The following RAD51B variants were observed in gnomAD, a reference collection of about 807,000 sequenced individuals.
The protein encoded by RAD51B is RAD51 paralog B, also known as DNA repair protein RAD51 homolog 2.
RAD51B carries 38 observed loss-of-function variants against 42.2 expected under a neutral mutation model. The ratio of observed to expected loss-of-function variants is 0.90; its 90% CI spans 0.70 to 1.18. RAD51B has a LOEUF of 1.18. Among genes scored for constraint, RAD51B ranks in the 50% most tolerant of loss-of-function variants. RAD51B has a pLI of 0.00. For missense variants in RAD51B, 373 were observed against 400.7 expected (o/e 0.93, Z 0.59); for synonymous variants, 154 against 145.2 (o/e 1.06, Z -0.43).
intron 8 of RAD51B, among the ~76,000 whole-genome samples, chr14:68,389,497 A>C (rs543411580): frequency 6.6e-6 from 1 of 152,372 alleles, no homozygotes; most frequent in East Asian, 1.9e-4. Context: ...GAAACATAAA[A>C]ATTATAATCC....
intron 7 of RAD51B, among the ~76,000 whole-genome samples, chr14:68,141,612 G>A (rs2078129784): frequency 1.3e-5 from 2 of 152,000 alleles, no homozygotes; most frequent in Non-Finnish European, 2.9e-5. Flanking sequence ...TGACGTTTGG[G>A]TATTACATTA....
At chr14:67,844,579 C>A (rs1191431893) in intron 4 of RAD51B, among the ~76,000 whole-genome samples, 2 of 149,258 alleles carry the variant, frequency 1.3e-5, no homozygotes, top group African/African-American at 4.9e-5. Context: ...AATGCTTTAC[C>A]ATTATGTAGT....
chr14:67,937,264 G>T (rs2044988951), intron 7 of RAD51B, among the ~76,000 whole-genome samples: 1 of 152,144 alleles, frequency 6.6e-6, no homozygotes. Flanking sequence ...ATGTCCTACA[G>T]CACATGACAC....
At chr14:68,421,055 T>C (rs1308556367) in intron 9 of RAD51B, among the ~76,000 whole-genome samples, 1 of 152,210 alleles carries the variant, frequency 6.6e-6, no homozygotes, top group African/African-American at 2.4e-5. Context: ...TAGTGAGTTA[T>C]GTATTAGGAT....
intron 8 of RAD51B, among the ~76,000 whole-genome samples, chr14:68,334,711 A>G (rs1284060664): frequency 6.6e-6 from 1 of 152,068 alleles, no homozygotes; most frequent in Admixed American, 6.6e-5. Flanking sequence ...TAGTGCTTCC[A>G]TAACATGGTA....
At chr14:68,027,012 A>G (rs970956791) in intron 7 of RAD51B, among the ~76,000 whole-genome samples, 3 of 152,188 alleles carry the variant, frequency 2.0e-5, no homozygotes, top group Non-Finnish European at 2.9e-5. Flanking sequence ...ACTCCCTTAT[A>G]GGCCTCTTAT....
intron 7 of RAD51B, among the ~76,000 whole-genome samples, chr14:67,949,987 G>A (rs1369939555): frequency 6.6e-6 from 1 of 152,128 alleles, no homozygotes; most frequent in Non-Finnish European, 1.5e-5. Context: ...CAGATGTCCT[G>A]TCATCCAGAC....
intron 9 of RAD51B, among the ~76,000 whole-genome samples, chr14:68,427,094 G>A (rs1194076746): frequency 1.3e-5 from 2 of 152,238 alleles, no homozygotes; most frequent in South Asian, 2.1e-4. Context: ...GAATGTATGA[G>A]CTCTTAGGCC....
intron 9 of RAD51B, among the ~76,000 whole-genome samples, chr14:68,430,016 A>G (rs2084959350): frequency 6.6e-6 from 1 of 152,094 alleles, no homozygotes. Flanking sequence ...TCCTTTCCCC[A>G]TTTCTTGATT....
At chr14:67,970,926 T>G (rs1377654283) in intron 7 of RAD51B, among the ~76,000 whole-genome samples, 2 of 152,120 alleles carry the variant, frequency 1.3e-5, no homozygotes, top group Non-Finnish European at 2.9e-5. Context: ...AGTGTCCAAC[T>G]GGTGAACAAA....
At chr14:68,280,887 G>A (rs532838054) in intron 7 of RAD51B, among the ~76,000 whole-genome samples, 5 of 152,076 alleles carry the variant, frequency 3.3e-5, no homozygotes, top group South Asian at 2.1e-4. Context: ...GGGAAACTCC[G>A]TCTCTACAAA....
At chr14:68,177,363 G>A (rs964258525) in intron 7 of RAD51B, among the ~76,000 whole-genome samples, 4 of 152,196 alleles carry the variant, frequency 2.6e-5, no homozygotes, top group African/African-American at 7.2e-5. Context: ...GCACCTAGGT[G>A]TTTTGTTCTC....
chr14:68,270,844 TGC>T (rs1288029502), intron 7 of RAD51B, among the ~76,000 whole-genome samples: 1 of 152,248 alleles, frequency 6.6e-6, no homozygotes, highest in Non-Finnish European at 1.5e-5. Context: ...TATGCATTTT[TGC>T]AAGTTAGGGG....
chr14:68,659,624 G>A (rs1040013433), intron 11 of RAD51B, among the ~76,000 whole-genome samples: 1 of 152,172 alleles, frequency 6.6e-6, no homozygotes, highest in African/African-American at 2.4e-5. Flanking sequence ...CAAGCCAAGG[G>A]TCGCTTCCCA....
intron 7 of RAD51B, among the ~76,000 whole-genome samples, chr14:68,280,252 A>G (rs2081296110): frequency 1.3e-5 from 2 of 152,224 alleles, no homozygotes; most frequent in Non-Finnish European, 2.9e-5. Flanking sequence ...AACATTTTGT[A>G]CAGTTTTTTC....
chr14:68,579,439 G>A (rs1468959293), intron 10 of RAD51B, among the ~76,000 whole-genome samples: 3 of 152,186 alleles, frequency 2.0e-5, no homozygotes, highest in Admixed American at 1.3e-4. Context: ...AGTCCTGGGA[G>A]GCAGGCTGGG....
chr14:68,653,851 G>C (rs1280355889), intron 11 of RAD51B, among the ~76,000 whole-genome samples: 1 of 152,238 alleles, frequency 6.6e-6, no homozygotes, highest in African/African-American at 2.4e-5. Flanking sequence ...ATTCTTGGCA[G>C]AGAAACAGCA....
intron 7 of RAD51B, among the ~76,000 whole-genome samples, chr14:67,973,645 T>G (rs2074938179): frequency 6.6e-6 from 1 of 152,134 alleles, no homozygotes. Context: ...ATTTGTGTTA[T>G]TTTAGTCATC....
At chr14:68,155,645 C>T (rs1311851288) in intron 7 of RAD51B, among the ~76,000 whole-genome samples, 1 of 152,142 alleles carries the variant, frequency 6.6e-6, no homozygotes, top group East Asian at 1.9e-4. Context: ...CCTATAATGG[C>T]AACCAAGTCA....
Sources: gnomAD v4.1 joint callset for allele counts (sites outside exome capture counted in the v4.1 genomes callset) on GRCh38, gnomAD v4.1.1 for gene constraint, MANE v1.5 for transcripts, NCBI Gene and HGNC (gene_info 2026-07-23, HGNC 2026-07-21) for gene names.